Variants in TRMO observed in about 807,000 individuals in gnomAD.
TRMO encodes the protein tRNA methyltransferase O.
In TRMO, 30 loss-of-function variants were observed where a neutral mutation model predicts 37.2. The observed-to-expected ratio is 0.81, with a 90% CI of 0.60 to 1.09. The LOEUF is 1.09. Among genes scored for constraint, TRMO ranks in the 50% least tolerant of loss-of-function variants. The probability of loss-of-function intolerance (pLI) is 0.00; values close to 1 mark genes in which losing one functional copy is unlikely to be tolerated. For missense variants in TRMO, 552 were observed against 549.5 expected (o/e 1.00, Z -0.05); for synonymous variants, 239 against 199.4 (o/e 1.20, Z -1.67).
At chr9:97,902,589 A>G (rs1825701672), downstream of TRMO, among the ~76,000 whole-genome samples, 2 of 152,218 alleles carry the variant, frequency 1.3e-5, no homozygotes, top group Non-Finnish European at 1.5e-5. Context: ...GGCATGAGCC[A>G]CTGCGCCCAG....
At chr9:97,911,881 CG>C (rs934391971) in intron 3 of TRMO, 1 of 152,146 alleles carries the variant, frequency 6.6e-6, no homozygotes, top group Admixed American at 6.5e-5. Context: ...TTAAGAAAAA[CG>C]TAACTAATAC....
At chr9:97,906,777 G>A (rs1231521010) in intron 4 of TRMO, among the ~76,000 whole-genome samples, 3 of 151,222 alleles carry the variant, frequency 2.0e-5, no homozygotes, top group African/African-American at 4.9e-5. Flanking sequence ...GGGAGGAGGC[G>A]GTTGCGGTGA....
At chr9:97,898,988 T>C in the TRMO span, among the ~76,000 whole-genome samples, 3 of 151,658 alleles carry the variant, frequency 2.0e-5, no homozygotes, top group East Asian at 5.8e-4. Flanking sequence ...TACAGGCGCC[T>C]GTCACCACAC....
Position 97,910,459 on chromosome 9 carries a change from G to A in TRMO, c.567C>T (p.Ser189=), listed in dbSNP as rs1826066620. 6.2e-7 allele frequency: 1 copy of A among 1,613,978 alleles called. No homozygotes were observed. Among genetic ancestry groups the A allele is most frequent in the Admixed American group, 1.7e-5 (1 of 59,998 alleles). ...AGCTGTCAGTCTTGCTGTCAGACTG[G>A]GACACAGTGTTTGGTGTATGTTGGT... The part of the protein sequence containing the change: ...QNNQHTPNTV[S]QSDSKTDSCD... Residue 189 remains serine (S), a synonymous_variant, in exon 4 of 5, where the codon TCC becomes TCT. Coordinates refer to ENST00000375119, the MANE Select transcript of TRMO (RefSeq NM_016481.5).
chr9:97,916,156 C>G lies in TRMO; in HGVS notation c.251+8G>C, dbSNP rs1403065006. Reference sequence around the variant, plus strand: ...CAAAATCCTACATCTAACTATAAAGCAACTTACCAAACATGAGAAAACTGT... The same window carrying G: ...CAAAATCCTACATCTAACTATAAAGGAACTTACCAAACATGAGAAAACTGT... On this transcript the variant is annotated splice_region_variant and intron_variant, in intron 2 of 4. Transcript: ENST00000375119. 2 of 1,576,988 alleles carry G rather than the reference C, an allele frequency of 1.3e-6. No individual in the cohort carries two copies. Among genetic ancestry groups the G allele is most frequent in the South Asian group, 2.4e-5 (2 of 85,058 alleles).
chr9:97,919,256 C>A (rs1826510628), intron 1 of TRMO, among the ~76,000 whole-genome samples: 1 of 152,030 alleles, frequency 6.6e-6, no homozygotes, highest in South Asian at 2.1e-4. Context: ...AGACCCCTAG[C>A]CCAGCCACAA....
At chr9:97,908,220 G>A (rs539800591) in intron 4 of TRMO, among the ~76,000 whole-genome samples, 2 of 152,250 alleles carry the variant, frequency 1.3e-5, no homozygotes, top group Non-Finnish European at 2.9e-5. Flanking sequence ...AGACCATCCT[G>A]CCTAACACGG....
intron 4 of TRMO, among the ~76,000 whole-genome samples, chr9:97,907,756 C>G (rs1321878548): frequency 6.6e-6 from 1 of 152,138 alleles, no homozygotes; most frequent in Admixed American, 6.5e-5. Context: ...TAGGTGACCT[C>G]GTCCCTTTTC....
chr9:97,899,256 G>T, the TRMO span, among the ~76,000 whole-genome samples: 1 of 141,630 alleles, frequency 7.1e-6, no homozygotes, highest in Non-Finnish European at 1.5e-5. Context: ...GCCTGCCCGG[G>T]CAGTGAAGGT....
rs1021966342 is a variant in TRMO at position 97,904,618 on chromosome 9, C to T, written c.*115G>A. On this transcript the variant is annotated 3_prime_UTR_variant, in exon 5 of 5. Coordinates refer to ENST00000375119, the MANE Select transcript of TRMO (RefSeq NM_016481.5). Reference sequence around the variant, plus strand: ...AACATTTTGAACAGCCCAAATCAATCAAAGCCATGAGATCACAAAGTGTTG... The same window carrying T: ...AACATTTTGAACAGCCCAAATCAATTAAAGCCATGAGATCACAAAGTGTTG... The T allele has an allele frequency of 2.0e-6, 3 of 1,523,814 alleles. No individual in the cohort carries two copies. The African/African-American group carries it at 4.2e-5, about 21-fold the overall frequency. The allele number at this position is 1,523,814 out of a possible 1,614,324, so 94.4% of individuals were successfully genotyped here.
At chr9:97,905,052 C>A in intron 4 of TRMO, 60 bp from the exon 5 acceptor site, 1 of 1,563,778 alleles carries the variant, frequency 6.4e-7, no homozygotes, top group Non-Finnish European at 8.7e-7. Context: ...TTAATTACAA[C>A]AAACTTCAAT....
chr9:97,917,296 C>G (rs1826414295), intron 1 of TRMO, among the ~76,000 whole-genome samples: 1 of 152,040 alleles, frequency 6.6e-6, no homozygotes, highest in African/African-American at 2.4e-5. Flanking sequence ...CTAATTTAAG[C>G]AATAAAGAGA....
chr9:97,899,811 T>C (rs969275906), downstream of TRMO, among the ~76,000 whole-genome samples: 5 of 151,836 alleles, frequency 3.3e-5, no homozygotes, highest in South Asian at 8.3e-4. Context: ...AAAAGATAGT[T>C]TGAGCCCAGG....
chr9:97,907,975 G>A (rs1393499330), intron 4 of TRMO, among the ~76,000 whole-genome samples: 3 of 152,080 alleles, frequency 2.0e-5, no homozygotes, highest in Non-Finnish European at 4.4e-5. Flanking sequence ...GCCCACTGGG[G>A]CCACCTATTT....
intron 2 of TRMO, among the ~76,000 whole-genome samples, chr9:97,914,719 T>A (rs775991503): frequency 3.3e-5 from 5 of 152,224 alleles, no homozygotes; most frequent in Non-Finnish European, 5.9e-5. Flanking sequence ...GTGAAAGTTC[T>A]CCATGGTATA....
At chr9:97,911,976 T>C (rs1475480815) in intron 3 of TRMO, 1 of 152,222 alleles carries the variant, frequency 6.6e-6, no homozygotes, top group East Asian at 1.9e-4. Flanking sequence ...TGATGAATTA[T>C]GCCTAACAAT....
At chr9:97,907,207 G>A (rs1441945260) in intron 4 of TRMO, among the ~76,000 whole-genome samples, 1 of 152,184 alleles carries the variant, frequency 6.6e-6, no homozygotes, top group African/African-American at 2.4e-5. Flanking sequence ...CCCTGCATAC[G>A]GCACTTGGCT....
At chr9:97,908,030 T>C (rs1000018684) in intron 4 of TRMO, among the ~76,000 whole-genome samples, 2 of 152,030 alleles carry the variant, frequency 1.3e-5, no homozygotes, top group Non-Finnish European at 1.5e-5. Context: ...CTGTAATCCC[T>C]GCACTTTGGG....
In TRMO at chr9:97,910,175, C is replaced by T. The variant is rs1156591847; in HGVS notation, c.851G>A (p.Gly284Asp). 3 of 1,614,162 alleles carry T rather than the reference C, an allele frequency of 1.9e-6. No individual in the cohort carries two copies. In the South Asian group the frequency reaches 3.3e-5, roughly 18 times the overall value. ...CACTCTTTCTAGCTTCTTGTCTGTA[C>T]CTTTCTCTGAAAAGCTCTTCTCTGG... ...YCPEKSFSEKGTDKKLERVEG... is the reference protein window; with the variant it reads ...YCPEKSFSEKDTDKKLERVEG... The change falls in exon 4 of 5, where the codon GGT becomes GAT. Residue 284 changes from glycine to aspartate, a missense_variant. Transcript: ENST00000375119.
Sources: gnomAD v4.1 joint callset for allele counts (sites outside exome capture counted in the v4.1 genomes callset) on GRCh38, gnomAD v4.1.1 for gene constraint, MANE v1.5 for transcripts, NCBI Gene and HGNC (gene_info 2026-07-23, HGNC 2026-07-21) for gene names.